TRIM34: variants seen among roughly 807,000 people sequenced by gnomAD.
TRIM34 encodes the protein tripartite motif containing 34.
A neutral mutation model predicts 38.1 loss-of-function variants in TRIM34; 41 were observed. That is an observed-to-expected ratio of 1.08 (90% CI 0.84 to 1.40). The LOEUF is 1.40. Among genes scored for constraint, TRIM34 ranks in the 40% most tolerant of loss-of-function variants. The pLI, the probability that TRIM34 is intolerant of heterozygous loss-of-function variation, is 0.00. For missense variants in TRIM34, 556 were observed against 571.4 expected (o/e 0.97, Z 0.27); for synonymous variants, 200 against 202.5 (o/e 0.99, Z 0.10).
chr11:5,621,144 C>T (rs1305333100), upstream of TRIM34, among the ~76,000 whole-genome samples: 1 of 152,228 alleles, frequency 6.6e-6, no homozygotes, highest in Non-Finnish European at 1.5e-5. Flanking sequence ...ACCCCTGCAT[C>T]CCAGTCACCC....
intron 2 of TRIM34, among the ~76,000 whole-genome samples, chr11:5,633,146 C>CTTTTTTTT (rs142147714): frequency 9.4e-6 from 1 of 106,820 alleles, no homozygotes; most frequent in Non-Finnish European, 1.9e-5. Context: ...CCTTTTCTTT[C>CTTTTTTTT]TTTTTTTTTT....
At chr11:5,622,606 G>A (rs905015896), upstream of TRIM34, among the ~76,000 whole-genome samples, 3 of 149,942 alleles carry the variant, frequency 2.0e-5, no homozygotes, top group African/African-American at 7.4e-5. Flanking sequence ...CGACAAGAAC[G>A]AAACTCCATC....
At position 5,642,473 on chromosome 11, in the gene TRIM34, C is replaced by T; in HGVS notation, c.841C>T (p.Pro281Ser). 1 of 1,613,926 alleles carries T rather than the reference C, an allele frequency of 6.2e-7. No individual in the cohort carries two copies. Among genetic ancestry groups the T allele is most frequent in the Non-Finnish European group, 8.5e-7 (1 of 1,179,952 alleles). ...SKKLKTVFHAPDLSRMLQMFR... is the reference protein window; with the variant it reads ...SKKLKTVFHASDLSRMLQMFR... The stretch of plus-strand genomic sequence containing the variant: ...GAAACTGAAGACTGTATTCCATGCT[C>T]CAGATCTGAGTAGGATGCTGCAAAT... The change falls in exon 6 of 8, where the codon CCA (proline) becomes TCA (serine). Residue 281 changes from proline (P) to serine (S), a missense_variant. Physicochemically the swap from Pro to Ser is moderately conservative, Grantham distance 74 (BLOSUM62 -1). Transcript: ENST00000429814.
At chr11:5,642,570 T>C in intron 6 of TRIM34, 64 bp downstream of exon 6, 1 of 1,562,564 alleles carries the variant, frequency 6.4e-7, no homozygotes, top group Non-Finnish European at 8.7e-7. Context: ...ATAAACTGTC[T>C]AGGTGGGATA....
chr11:5,632,298 A>G lies in TRIM34; in HGVS notation c.-34A>G. 6.2e-7 allele frequency: 1 copy of G among 1,613,798 alleles called. No homozygotes were observed. Among genetic ancestry groups the G allele is most frequent in the Non-Finnish European group, 8.5e-7 (1 of 1,179,846 alleles). On this transcript the variant is annotated 5_prime_UTR_variant, in exon 2 of 8. Coordinates refer to ENST00000429814, the MANE Select transcript of TRIM34 (RefSeq NM_021616.6). ...CCAGAAGAGAGAGGAGAGCCTCAGGAGTTAGGACCAGAAGAAGCCAGGGAA... is the reference window on the plus strand; with the variant it reads ...CCAGAAGAGAGAGGAGAGCCTCAGGGGTTAGGACCAGAAGAAGCCAGGGAA...
chr11:5,633,228 C>G (rs1414802787), intron 2 of TRIM34, among the ~76,000 whole-genome samples: 1 of 149,984 alleles, frequency 6.7e-6, no homozygotes, highest in Non-Finnish European at 1.5e-5. Context: ...AAGGAGTCAG[C>G]CCTTTTCATC....
Position 5,643,494 on chromosome 11 carries a change from G to A in TRIM34, c.1252G>A (p.Asp418Asn). The stretch of plus-strand genomic sequence containing the variant: ...TGTCTTTGAAGAGTCTTTGTCCTCT[G>A]ATCCCGAGGTTTTGACTCTCTCCAT... ...YGVFEESLSS[D>N]PEVLTLSMAV... The change falls in exon 8 of 8, where the codon GAT becomes AAT. Residue 418 changes from aspartate to asparagine, a missense_variant. Coordinates refer to ENST00000429814, the MANE Select transcript of TRIM34 (RefSeq NM_021616.6). The A allele has an allele frequency of 1.9e-6, 3 of 1,614,178 alleles. No individual in the cohort carries two copies. The highest frequency in any genetic ancestry group is 2.5e-6 in the Non-Finnish European group (3 of 1,180,036).
chr11:5,628,033 C>T (rs1406776201), intron 1 of TRIM34, among the ~76,000 whole-genome samples: 1 of 152,222 alleles, frequency 6.6e-6, no homozygotes, highest in Non-Finnish European at 1.5e-5. Context: ...GCCAATGGCA[C>T]TCATGTTCCC....
In TRIM34 at chr11:5,644,195, CCA is replaced by C; in HGVS notation, c.*487_*488del. The C allele has an allele frequency of 2.5e-6, 1 of 399,000 alleles. No individual in the cohort carries two copies. Among genetic ancestry groups the C allele is most frequent in the Non-Finnish European group, 4.4e-6 (1 of 226,434 alleles). The allele number at this position is 399,000 out of a possible 1,614,324, so 24.7% of individuals were successfully genotyped here. On this transcript the variant is annotated 3_prime_UTR_variant, in exon 8 of 8. Coordinates refer to ENST00000429814, the MANE Select transcript of TRIM34 (RefSeq NM_021616.6). ...TGTATTCAGAGTGAAGATTTTATGTCCAGAGTATTTGAGCTCAAACCTTGCCT... is the reference window on the plus strand; with the variant it reads ...TGTATTCAGAGTGAAGATTTTATGTCGAGTATTTGAGCTCAAACCTTGCCT...
chr11:5,643,643 T>G lies in TRIM34; in HGVS notation c.1401T>G (p.Pro467=), dbSNP rs775056701. ...TCTCTAAATGTTGCTTTTCTCAGCC[T>G]GTTTATCCATATTTCAATCCTTGGA... ...YKFSKCCFSQ[P]VYPYFNPWNC... Residue 467 remains proline (P), a synonymous_variant, in exon 8 of 8, where the codon CCT becomes CCG. Transcript: ENST00000429814. 1 of 1,614,134 alleles carries G rather than the reference T, an allele frequency of 6.2e-7. No homozygotes were observed. Among genetic ancestry groups the G allele is most frequent in the Non-Finnish European group, 8.5e-7 (1 of 1,180,002 alleles).
Position 5,632,611 on chromosome 11 carries a change from A to G in TRIM34, c.280A>G (p.Arg94Gly), listed in dbSNP as rs1225558337. The change falls in exon 2 of 8, where the codon AGA becomes GGA. Residue 94 changes from arginine to glycine, a missense_variant. By Grantham distance (125) the Arg-to-Gly change is moderately radical. Coordinates refer to ENST00000429814, the MANE Select transcript of TRIM34 (RefSeq NM_021616.6). ...GTTGAGCCCAGACAATGGGAAGAAG[A>G]GAGATCTCTGTGATCATCATGGAGA... The part of the protein sequence containing the change: ...VKLSPDNGKK[R>G]DLCDHHGEKL... 3 of 1,613,548 alleles carry G rather than the reference A, an allele frequency of 1.9e-6. No individual in the cohort carries two copies. Among genetic ancestry groups the G allele is most frequent in the Non-Finnish European group, 2.5e-6 (3 of 1,179,872 alleles).
chr11:5,630,296 T>C (rs1325747456), intron 1 of TRIM34, among the ~76,000 whole-genome samples: 1 of 152,180 alleles, frequency 6.6e-6, no homozygotes, highest in Non-Finnish European at 1.5e-5. Context: ...TAACCTTTTT[T>C]TCCCCCACAT....
chr11:5,634,894 AAC>A (rs1564886611), intron 4 of TRIM34, 33 bp downstream of exon 4: 1 of 1,600,840 alleles, frequency 6.2e-7, no homozygotes, highest in African/African-American at 1.3e-5. Context: ...AGATTCTGGG[AAC>A]ACAGTTCCCT....
chr11:5,634,847 A>G lies in TRIM34; in HGVS notation c.736A>G (p.Met246Val). 11 of 1,612,282 alleles carry G rather than the reference A, an allele frequency of 6.8e-6. No individual in the cohort carries two copies. Among genetic ancestry groups the G allele is most frequent in the Non-Finnish European group, 8.5e-6 (10 of 1,178,966 alleles). Residue 246 changes from methionine (M) to valine (V), a missense_variant, in exon 4 of 8, where the codon ATG (methionine) becomes GTG (valine). Met to Val is a conservative substitution (Grantham distance 21). Coordinates refer to ENST00000429814, the MANE Select transcript of TRIM34 (RefSeq NM_021616.6). ...GGAGTGTCGGAGTCAGTGGTCAACA[A>G]TGGAGCTGCTGCAGGTAAGAAGGTT... Reference protein sequence around the residue: ...DVECRSQWSTMELLQDMSGIM... With the variant: ...DVECRSQWSTVELLQDMSGIM...
rs760406717 is a variant in TRIM34 at position 5,632,664 on chromosome 11, T to C, written c.333T>C (p.Asp111=). 1.2e-6 allele frequency: 2 copies of C among 1,612,526 alleles called. No individual in the cohort carries two copies. The highest frequency in any genetic ancestry group is 1.1e-5 in the South Asian group (1 of 90,824). Residue 111 remains aspartate (D), a synonymous_variant, in exon 2 of 8, where the codon GAT becomes GAC. Transcript: ENST00000429814. ...AACTCCTACTCTTCTGTAAGGAGGATAGGAAAGTCATTTGCTGGCTTTGTG... is the reference window on the plus strand; with the variant it reads ...AACTCCTACTCTTCTGTAAGGAGGACAGGAAAGTCATTTGCTGGCTTTGTG... ...GEKLLLFCKE[D]RKVICWLCER... is the part of the protein sequence containing the mutation.
chr11:5,629,946 T>G (rs886796989), intron 1 of TRIM34, among the ~76,000 whole-genome samples: 5 of 152,160 alleles, frequency 3.3e-5, no homozygotes, highest in Admixed American at 2.6e-4. Context: ...TACCTCGTGA[T>G]CCGCCTGCCT....
At chr11:5,633,412 T>C (rs1165364277) in intron 2 of TRIM34, among the ~76,000 whole-genome samples, 1 of 152,146 alleles carries the variant, frequency 6.6e-6, no homozygotes, top group Non-Finnish European at 1.5e-5. Context: ...AATTTTTGTC[T>C]TGTTTTTTCC....
At chr11:5,626,772 C>T (rs1849258358) in intron 1 of TRIM34, 1 of 151,980 alleles carries the variant, frequency 6.6e-6, no homozygotes, top group African/African-American at 2.4e-5. Flanking sequence ...GTCCCAGCTA[C>T]TCGGGAGGCT....
At chr11:5,639,120 T>C (rs1448689473) in intron 4 of TRIM34, among the ~76,000 whole-genome samples, 1 of 152,186 alleles carries the variant, frequency 6.6e-6, no homozygotes, top group East Asian at 1.9e-4. Context: ...GATCAGACTT[T>C]AAGGTATGAG....
Sources: gnomAD v4.1 joint callset for allele counts (sites outside exome capture counted in the v4.1 genomes callset) on GRCh38, gnomAD v4.1.1 for gene constraint, MANE v1.5 for transcripts, NCBI Gene and HGNC (gene_info 2026-07-23, HGNC 2026-07-21) for gene names.